Variants in TECR observed in about 807,000 individuals in gnomAD.
TECR encodes the protein trans-2,3-enoyl-CoA reductase.
In TECR, 19 loss-of-function variants were observed where a neutral mutation model predicts 50.6. The ratio of observed to expected loss-of-function variants is 0.38; its 90% CI spans 0.26 to 0.55. The LOEUF is 0.55. TECR is among the 20% of genes least tolerant of loss of function. The pLI, the probability that TECR is intolerant of heterozygous loss-of-function variation, is 0.79. For synonymous variants in TECR, 168 were observed against 163.5 expected, an observed-to-expected ratio of 1.03 and a Z score of -0.21; for missense variants, 313 against 408.3, an observed-to-expected ratio of 0.77 and a Z score of 2.01.
chr19:14,549,836 A>T (rs893159841), intron 1 of TECR, among the ~76,000 whole-genome samples: 4 of 151,894 alleles, frequency 2.6e-5, no homozygotes, highest in Admixed American at 6.6e-5. Flanking sequence ...CCAGCTACTC[A>T]GGAGGCTGAG....
chr19:14,543,874 T>C (rs183561044), intron 1 of TECR, among the ~76,000 whole-genome samples: 31 of 151,828 alleles, frequency 2.0e-4, no homozygotes, highest in Admixed American at 1.3e-3. Flanking sequence ...TAGCTGGGAT[T>C]ACAGGCATGC....
chr19:14,555,330 C>T (rs1430212986), intron 1 of TECR, among the ~76,000 whole-genome samples: 1 of 151,182 alleles, frequency 6.6e-6, no homozygotes, highest in Non-Finnish European at 1.5e-5. Flanking sequence ...CTCACTGCAA[C>T]CTCTGCCTCC....
chr19:14,551,913 C>G (rs10420177), intron 1 of TECR, among the ~76,000 whole-genome samples: 3,231 of 133,744 alleles, frequency 0.024, 148 homozygotes, highest in African/African-American at 0.087. Context: ...CTCTCTCTCC[C>G]CCTCCCTCCC....
intron 1 of TECR, among the ~76,000 whole-genome samples, chr19:14,542,462 A>G (rs1047190972): frequency 2.1e-5 from 3 of 145,238 alleles, no homozygotes; most frequent in African/African-American, 5.1e-5. Flanking sequence ...CCCGGGTTCA[A>G]TCAATTCTCC....
chr19:14,554,545 G>A (rs2073651334), intron 1 of TECR, among the ~76,000 whole-genome samples: 2 of 152,170 alleles, frequency 1.3e-5, no homozygotes, highest in South Asian at 2.1e-4. Flanking sequence ...TGTTTGTGAA[G>A]CTGGGGAAGC....
chr19:14,535,986 A>G (rs1599417249), intron 1 of TECR, among the ~76,000 whole-genome samples: 2 of 151,956 alleles, frequency 1.3e-5, no homozygotes, highest in African/African-American at 4.8e-5. Context: ...TACTTAGGCC[A>G]TTTCTTTGCT....
rs75996655 is a variant in TECR, at chr19:14,553,041, C to T, written c.16-9484C>T. Among the ~76,000 whole-genome samples the T allele has an allele frequency of 8.8e-3, 1,343 of 152,138 alleles. 30 individuals are homozygous for T. The highest frequency in any genetic ancestry group is 0.031 in the African/African-American group (1,293 of 41,536). On this transcript the variant is annotated intron_variant, in intron 1 of 12. Transcript: ENST00000215567. Reference sequence around the variant, plus strand: ...TGTGGGTACCACTGAGAATGGGGGGCAGGCCCAGGGCTGAGACCCAGGTTC... The same window carrying T: ...TGTGGGTACCACTGAGAATGGGGGGTAGGCCCAGGGCTGAGACCCAGGTTC...
chr19:14,550,361 G>A (rs2073455008), intron 1 of TECR, among the ~76,000 whole-genome samples: 1 of 152,164 alleles, frequency 6.6e-6, no homozygotes, highest in East Asian at 1.9e-4. Flanking sequence ...TTGGCAAGCT[G>A]AGCTCATGGG....
At chr19:14,564,681 C>T (rs1314981058) in intron 7 of TECR, 105 bp from the exon 8 acceptor site, 9 of 1,288,912 alleles carry the variant, frequency 7.0e-6, no homozygotes, top group Non-Finnish European at 9.0e-6. Context: ...AAGGCCCCTC[C>T]TGTCCTTTCC....
chr19:14,555,174 G>A (rs1039230092), intron 1 of TECR, among the ~76,000 whole-genome samples: 19 of 151,780 alleles, frequency 1.3e-4, no homozygotes, highest in Admixed American at 2.0e-4. Flanking sequence ...GAACTCCTAG[G>A]CTTAAGCGAT....
At chr19:14,549,415 A>G (rs2073417853) in intron 1 of TECR, among the ~76,000 whole-genome samples, 1 of 151,694 alleles carries the variant, frequency 6.6e-6, no homozygotes, top group Non-Finnish European at 1.5e-5. Context: ...GTTTCACCAT[A>G]TTGGCCAGGC....
intron 1 of TECR, among the ~76,000 whole-genome samples, chr19:14,557,983 C>T (rs546630831): frequency 3.3e-5 from 5 of 151,056 alleles, no homozygotes; most frequent in African/African-American, 1.2e-4. Flanking sequence ...TCTCGATCTC[C>T]TGACCTCGTG....
chr19:14,554,799 A>AGATG (rs2073660227), intron 1 of TECR, among the ~76,000 whole-genome samples: 1 of 149,386 alleles, frequency 6.7e-6, no homozygotes, highest in Non-Finnish European at 1.5e-5. Context: ...TTTTTTTTTG[A>AGATG]GATGGAGTTT....
Position 14,555,143 on chromosome 19 carries a change from A to G in TECR, c.16-7382A>G, listed in dbSNP as rs116736823. The stretch of plus-strand genomic sequence containing the variant: ...AGGCAGGGGTGCCGTAGTGTAATCA[A>G]TCATGGCTCACTGCAGCCTGGAACT... On this transcript the variant is annotated intron_variant, in intron 1 of 12. Coordinates refer to ENST00000215567, the MANE Select transcript of TECR (RefSeq NM_138501.6). 9.2e-3 allele frequency among the ~76,000 whole-genome samples: 1,388 copies of G among 151,624 alleles called. 22 individuals are homozygous for G. The highest frequency in any genetic ancestry group is 0.031 in the African/African-American group (1,295 of 41,346).
chr19:14,549,300 C>T lies in TECR; in HGVS notation c.16-13225C>T, dbSNP rs186749118. ...CGATCTCAGCTCACTGCAACCTCTGCCTCCCGGGTTCAAGCAGTTCTCCTG... is the reference window on the plus strand; with the variant it reads ...CGATCTCAGCTCACTGCAACCTCTGTCTCCCGGGTTCAAGCAGTTCTCCTG... On this transcript the variant is annotated intron_variant, in intron 1 of 12. Coordinates refer to ENST00000215567, the MANE Select transcript of TECR (RefSeq NM_138501.6). 2.6e-3 allele frequency among the ~76,000 whole-genome samples: 387 copies of T among 149,232 alleles called. 6 individuals are homozygous for T. The highest frequency in any genetic ancestry group is 9.5e-3 in the African/African-American group (384 of 40,482).
chr19:14,552,627 C>T (rs911651639), intron 1 of TECR, among the ~76,000 whole-genome samples: 9 of 151,952 alleles, frequency 5.9e-5, no homozygotes, highest in African/African-American at 1.9e-4. Flanking sequence ...CTCCGCCTCC[C>T]GGGTTCACGC....
intron 11 of TECR, 56 bp downstream of exon 11, chr19:14,565,346 A>C (rs1599508209): frequency 9.4e-6 from 15 of 1,601,984 alleles, no homozygotes; most frequent in Non-Finnish European, 8.5e-7. Flanking sequence ...ATGTGGAGGG[A>C]CCAGCCCCTA....
At chr19:14,559,963 G>A (rs915956465) in intron 1 of TECR, among the ~76,000 whole-genome samples, 4 of 124,606 alleles carry the variant, frequency 3.2e-5, no homozygotes, top group African/African-American at 1.4e-4. Context: ...TCCTGCCCAG[G>A]TGGCCCTAGC....
chr19:14,557,841 T>C (rs993091613), intron 1 of TECR, among the ~76,000 whole-genome samples: 3 of 151,682 alleles, frequency 2.0e-5, no homozygotes, highest in Middle Eastern at 3.4e-3. Flanking sequence ...CTGCAAGCTC[T>C]GCCTCCCGGG....
Sources: allele counts gnomAD v4.1 joint callset (sites outside exome capture counted in the v4.1 genomes callset), GRCh38; gene constraint gnomAD v4.1.1; transcripts MANE v1.5; gene names NCBI Gene and HGNC (gene_info 2026-07-23, HGNC 2026-07-21).